The following MCM9 variants were observed in gnomAD, a reference collection of about 807,000 sequenced individuals.
MCM9 encodes DNA helicase MCM9.
Under a neutral mutation model 72.8 loss-of-function variants are expected in MCM9, and 55 were observed. The observed-to-expected ratio is 0.76, with a 90% CI of 0.61 to 0.95. MCM9 has a LOEUF of 0.95. Among genes scored for constraint, MCM9 ranks in the 40% least tolerant of loss-of-function variants. The pLI, the probability that MCM9 is intolerant of heterozygous loss-of-function variation, is 0.00. For synonymous variants in MCM9, 480 were observed against 503.4 expected, an observed-to-expected ratio of 0.95 and a Z score of 0.62; for missense variants, 1,279 against 1,377.0, an observed-to-expected ratio of 0.93 and a Z score of 1.13.
chr6:118,852,082 T>C (rs1275831714), intron 9 of MCM9, among the ~76,000 whole-genome samples: 1 of 152,126 alleles, frequency 6.6e-6, no homozygotes, highest in Non-Finnish European at 1.5e-5. Flanking sequence ...GTATAGCCTA[T>C]TGCTCCGAGG....
intron 8 of MCM9, among the ~76,000 whole-genome samples, chr6:118,898,363 G>A (rs1779576507): frequency 6.6e-6 from 1 of 151,908 alleles, no homozygotes; most frequent in African/African-American, 2.4e-5. Context: ...AGGATCAAGG[G>A]CATTATATGT....
intron 8 of MCM9, chr6:118,901,179 G>T (rs976553772): frequency 2.7e-5 from 6 of 225,952 alleles, no homozygotes; most frequent in Non-Finnish European, 4.3e-5. Flanking sequence ...GGCTCTTCCT[G>T]TGAATAGCAC....
rs1417238952 is a variant in MCM9 at position 118,844,474 on chromosome 6, A to T, written c.1325+11897T>A. Among the ~76,000 whole-genome samples, 7 of 151,942 alleles carry T rather than the reference A, an allele frequency of 4.6e-5. No homozygotes were observed. The East Asian group carries it at 1.3e-3, about 29-fold the overall frequency. The stretch of plus-strand genomic sequence containing the variant: ...CTAGGGGTACATACAAACAACCCCA[A>T]AAAAGCCAACATGTACTATTCTTGT... On this transcript the variant is annotated intron_variant, in intron 9 of 13. Coordinates refer to ENST00000619706, the MANE Select transcript of MCM9 (RefSeq NM_017696.3).
intron 8 of MCM9, among the ~76,000 whole-genome samples, chr6:118,898,346 A>G (rs1354666139): frequency 6.6e-6 from 1 of 152,184 alleles, no homozygotes; most frequent in Non-Finnish European, 1.5e-5. Flanking sequence ...GCGAATTTAT[A>G]CCACTTAGGA....
At chr6:118,902,528 CTTTTTTT>C (rs33980013) in intron 8 of MCM9, among the ~76,000 whole-genome samples, 3 of 131,524 alleles carry the variant, frequency 2.3e-5, no homozygotes, top group South Asian at 2.4e-4. Flanking sequence ...ACTGATAATA[CTTTTTTT>C]TTTTTTTTTT....
Position 118,910,690 on chromosome 6 carries a change from T to G in MCM9, c.1150+960A>C, listed in dbSNP as rs996074738. The G allele has an allele frequency of 1.2e-4, 119 of 985,256 alleles. No homozygotes were observed. In the Admixed American group the frequency reaches 1.5e-3, roughly 12 times the overall value. The allele number at this position is 985,256 out of a possible 1,614,324, so 61.0% of individuals were successfully genotyped here. On this transcript the variant is annotated intron_variant, in intron 8 of 13. Transcript: ENST00000619706. The stretch of plus-strand genomic sequence containing the variant: ...CGGATTTAAAACGCATGGGAAATAT[T>G]CTTTATATATTCTTGCCTAGTATCC...
intron 9 of MCM9, among the ~76,000 whole-genome samples, chr6:118,844,373 C>T (rs1775712058): frequency 1.3e-5 from 2 of 151,692 alleles, no homozygotes; most frequent in Admixed American, 6.6e-5. Flanking sequence ...AAAATGAACA[C>T]ATGAGTTAAC....
intron 6 of MCM9, among the ~76,000 whole-genome samples, chr6:118,916,683 A>G (rs999670308): frequency 6.6e-6 from 1 of 151,654 alleles, no homozygotes; most frequent in African/African-American, 2.4e-5. Flanking sequence ...TGTATTTTTA[A>G]TAGAGACAGG....
At chr6:118,858,263 T>A (rs1776688593) in intron 8 of MCM9, among the ~76,000 whole-genome samples, 1 of 152,106 alleles carries the variant, frequency 6.6e-6, no homozygotes, top group Admixed American at 6.5e-5. Flanking sequence ...AGAAAGAGCA[T>A]ACAATTGCTT....
At chr6:118,848,922 C>T (rs750642631) in intron 9 of MCM9, among the ~76,000 whole-genome samples, 1 of 138,758 alleles carries the variant, frequency 7.2e-6, no homozygotes, top group African/African-American at 2.8e-5. Flanking sequence ...ACTTTGTTTC[C>T]AAAAAAAAAA....
At chr6:118,849,729 G>A (rs1038869475) in intron 9 of MCM9, among the ~76,000 whole-genome samples, 1 of 151,782 alleles carries the variant, frequency 6.6e-6, no homozygotes, top group Non-Finnish European at 1.5e-5. Context: ...TCTAAAACAC[G>A]ATGATAATAA....
At chr6:118,823,791 A>G (rs1773975400) in intron 13 of MCM9, among the ~76,000 whole-genome samples, 4 of 151,998 alleles carry the variant, frequency 2.6e-5, no homozygotes, top group Admixed American at 2.0e-4. Context: ...TAGAAAATAT[A>G]AGGAAATACC....
chr6:118,894,240 C>T (rs971807401), intron 8 of MCM9: 1 of 1,440,032 alleles, frequency 6.9e-7, no homozygotes, highest in East Asian at 2.5e-5. Context: ...AGCTGCAAAA[C>T]ACTGTGGAGT....
chr6:118,817,626 T>A (rs1394000104), intron 13 of MCM9, among the ~76,000 whole-genome samples: 3 of 152,248 alleles, frequency 2.0e-5, no homozygotes, highest in Admixed American at 6.5e-5. Flanking sequence ...TACAGTAGAA[T>A]GATTTATAAT....
chr6:118,844,729 T>G (rs1178754419), intron 9 of MCM9, among the ~76,000 whole-genome samples: 1 of 151,798 alleles, frequency 6.6e-6, no homozygotes, highest in African/African-American at 2.4e-5. Context: ...CCTGTCTCTT[T>G]GAAACCCGCT....
At chr6:118,929,309 T>C (rs933604178) in intron 3 of MCM9, among the ~76,000 whole-genome samples, 2 of 152,222 alleles carry the variant, frequency 1.3e-5, no homozygotes, top group Non-Finnish European at 2.9e-5. Flanking sequence ...AATATATACA[T>C]ACACATGTAT....
rs867295040 is a variant in MCM9 at position 118,827,818 on chromosome 6, C to T, written c.1732+109G>A. 15 of 1,044,372 alleles carry T rather than the reference C, an allele frequency of 1.4e-5. No individual in the cohort carries two copies. The South Asian group carries it at 2.2e-4, about 15-fold the overall frequency. 64.7% of individuals were successfully genotyped at this position (1,044,372 alleles called of 1,614,324 possible). ...CTTTATTTTTAAGTGACTATGAGCA[C>T]CTTAGAGTGGGAGTTATTCTCATTC... On this transcript the variant is annotated intron_variant, in intron 11 of 13. Coordinates refer to ENST00000619706, the MANE Select transcript of MCM9 (RefSeq NM_017696.3).
intron 9 of MCM9, among the ~76,000 whole-genome samples, chr6:118,836,323 T>C (rs1056360605): frequency 6.6e-6 from 1 of 152,238 alleles, no homozygotes; most frequent in East Asian, 1.9e-4. Flanking sequence ...TCTTGTTGTC[T>C]CTGCCAGGTT....
chr6:118,854,584 C>T (rs1013704218), intron 9 of MCM9, among the ~76,000 whole-genome samples: 3 of 152,210 alleles, frequency 2.0e-5, no homozygotes, highest in Admixed American at 6.5e-5. Context: ...AATCCCCGAC[C>T]TCAGGTGATC....
Sources: allele counts gnomAD v4.1 joint callset (sites outside exome capture counted in the v4.1 genomes callset), GRCh38; gene constraint gnomAD v4.1.1; transcripts MANE v1.5; gene names NCBI Gene and HGNC (gene_info 2026-07-23, HGNC 2026-07-21).